The following AMBRA1 variants were observed in gnomAD, a reference collection of about 807,000 sequenced individuals.
AMBRA1 encodes the protein activating molecule in BECN1-regulated autophagy protein 1.
In AMBRA1, 47 loss-of-function variants were observed where a neutral mutation model predicts 125.4. The ratio of observed to expected loss-of-function variants is 0.37; its 90% CI spans 0.30 to 0.48. The LOEUF (loss-of-function observed/expected upper bound fraction) is 0.48, where lower values mean the gene tolerates loss of function less well. Ranked by LOEUF, AMBRA1 falls within the 20% of genes least tolerant of loss-of-function variation. The probability of loss-of-function intolerance (pLI) is 0.99; values close to 1 mark genes in which losing one functional copy is unlikely to be tolerated. For synonymous variants in AMBRA1, 626 were observed against 655.5 expected (o/e 0.95, Z 0.69); for missense variants, 1,331 against 1,693.4 (o/e 0.79, Z 3.76).
intron 11 of AMBRA1, among the ~76,000 whole-genome samples, chr11:46,463,045 C>T (rs1014034932): frequency 3.9e-5 from 6 of 152,128 alleles, no homozygotes; most frequent in Admixed American, 2.0e-4. Flanking sequence ...TGAGCCACCA[C>T]GTCTGGCCAA....
At chr11:46,501,459 A>G (rs1247476486) in intron 9 of AMBRA1, among the ~76,000 whole-genome samples, 2 of 152,256 alleles carry the variant, frequency 1.3e-5, no homozygotes, top group African/African-American at 4.8e-5. Context: ...TGTGAGCCAG[A>G]ATGGGAATAA....
intron 1 of AMBRA1, among the ~76,000 whole-genome samples, chr11:46,552,977 G>C (rs1411002545): frequency 6.6e-6 from 1 of 151,202 alleles, no homozygotes; most frequent in Non-Finnish European, 1.5e-5. Context: ...ACAGAGTCTC[G>C]CTCCGTCACC....
chr11:46,432,775 C>G (rs1433998441), intron 14 of AMBRA1, among the ~76,000 whole-genome samples: 1 of 152,222 alleles, frequency 6.6e-6, no homozygotes, highest in African/African-American at 2.4e-5. Context: ...TCTGACAAAG[C>G]TTGAATACTA....
At chr11:46,414,284 G>C (rs577064255) in intron 15 of AMBRA1, among the ~76,000 whole-genome samples, 56 of 152,334 alleles carry the variant, frequency 3.7e-4, no homozygotes, top group African/African-American at 1.3e-3. Context: ...CTGGCTCTTA[G>C]AGCCTCGCCT....
chr11:46,421,130 A>G (rs1384676166), intron 14 of AMBRA1, among the ~76,000 whole-genome samples: 4 of 150,866 alleles, frequency 2.7e-5, no homozygotes, highest in African/African-American at 5.0e-5. Flanking sequence ...CAAGACGCCA[A>G]TATGATAGAT....
intron 7 of AMBRA1, among the ~76,000 whole-genome samples, chr11:46,536,668 G>A (rs1952493568): frequency 6.6e-6 from 1 of 152,154 alleles, no homozygotes; most frequent in Non-Finnish European, 1.5e-5. Context: ...CAATGTTTGG[G>A]CCGAGGCCTC....
chr11:46,440,902 T>C (rs1277160840), intron 12 of AMBRA1, among the ~76,000 whole-genome samples: 1 of 152,180 alleles, frequency 6.6e-6, no homozygotes, highest in Non-Finnish European at 1.5e-5. Flanking sequence ...TATAATATCA[T>C]ACAGACAAGA....
At chr11:46,424,248 C>T (rs1565143219) in intron 14 of AMBRA1, among the ~76,000 whole-genome samples, 2 of 144,696 alleles carry the variant, frequency 1.4e-5, no homozygotes, top group Non-Finnish European at 3.1e-5. Context: ...AGCAAACAGC[C>T]TTTTTTTTTT....
intron 7 of AMBRA1, among the ~76,000 whole-genome samples, chr11:46,538,927 C>A (rs1952611193): frequency 1.3e-5 from 2 of 152,250 alleles, no homozygotes; most frequent in South Asian, 4.2e-4. Flanking sequence ...CATTTATTTT[C>A]TCAGATCACA....
intron 11 of AMBRA1, among the ~76,000 whole-genome samples, chr11:46,457,073 G>A (rs1948881169): frequency 6.6e-6 from 1 of 152,196 alleles, no homozygotes; most frequent in Non-Finnish European, 1.5e-5. Flanking sequence ...AGGGTGAAAA[G>A]CTCCTGTCAA....
At chr11:46,485,026 C>T (rs1187579244) in intron 11 of AMBRA1, among the ~76,000 whole-genome samples, 1 of 151,758 alleles carries the variant, frequency 6.6e-6, no homozygotes, top group Non-Finnish European at 1.5e-5. Context: ...CAACCTTTGC[C>T]TCCCGGGTTC....
At chr11:46,579,869 C>T (rs184500330) in intron 1 of AMBRA1, among the ~76,000 whole-genome samples, 2 of 152,278 alleles carry the variant, frequency 1.3e-5, no homozygotes, top group South Asian at 2.1e-4. Flanking sequence ...TGCACCACCA[C>T]GCCTGGCTAA....
intron 7 of AMBRA1, among the ~76,000 whole-genome samples, chr11:46,522,742 C>A (rs1192033035): frequency 6.6e-6 from 1 of 152,134 alleles, no homozygotes; most frequent in African/African-American, 2.4e-5. Context: ...ACTAAGTCTA[C>A]GAAGAATATC....
intron 1 of AMBRA1, among the ~76,000 whole-genome samples, chr11:46,548,801 G>A (rs1422090819): frequency 6.6e-6 from 1 of 152,166 alleles, no homozygotes; most frequent in Non-Finnish European, 1.5e-5. Context: ...GAGACAGCCT[G>A]GCCAACATGG....
intron 1 of AMBRA1, among the ~76,000 whole-genome samples, chr11:46,586,762 T>G (rs1225460016): frequency 6.6e-6 from 1 of 152,194 alleles, no homozygotes; most frequent in Admixed American, 6.5e-5. Context: ...ACAGAGAGAC[T>G]AAGTAACTTG....
At chr11:46,429,020 T>C in intron 14 of AMBRA1, 3 of 1,611,948 alleles carry the variant, frequency 1.9e-6, no homozygotes, top group Non-Finnish European at 2.5e-6. Context: ...CTTCATGACA[T>C]GAAGGTTGGG....
chr11:46,438,182 T>C (rs1409398839), intron 12 of AMBRA1, among the ~76,000 whole-genome samples: 1 of 151,972 alleles, frequency 6.6e-6, no homozygotes, highest in Non-Finnish European at 1.5e-5. Flanking sequence ...AGAATGGAAA[T>C]AAAGATTAGG....
intron 11 of AMBRA1, among the ~76,000 whole-genome samples, chr11:46,473,478 A>C (rs1487476929): frequency 6.6e-6 from 1 of 152,220 alleles, no homozygotes; most frequent in Non-Finnish European, 1.5e-5. Flanking sequence ...TCTTTGGATA[A>C]AGCCCTAACA....
At chr11:46,529,905 A>G (rs780044108) in intron 7 of AMBRA1, among the ~76,000 whole-genome samples, 30 of 152,332 alleles carry the variant, frequency 2.0e-4, no homozygotes, top group Non-Finnish European at 3.5e-4. Context: ...AAGAGCAGAA[A>G]TAAGATGTAC....
Sources: allele counts gnomAD v4.1 joint callset (sites outside exome capture counted in the v4.1 genomes callset), GRCh38; gene constraint gnomAD v4.1.1; transcripts MANE v1.5; gene names NCBI Gene and HGNC (gene_info 2026-07-23, HGNC 2026-07-21).